The following DLGAP1 variants were observed in gnomAD, a reference collection of about 807,000 sequenced individuals.
DLGAP1 encodes DLG associated protein 1.
DLGAP1 carries 11 observed loss-of-function variants against 90.8 expected under a neutral mutation model. That is an observed-to-expected ratio of 0.12 (90% CI 0.08 to 0.20). DLGAP1 has a LOEUF of 0.20. DLGAP1 is among the 10% of genes least tolerant of loss of function. The probability of loss-of-function intolerance (pLI) is 1.00; values close to 1 mark genes in which losing one functional copy is unlikely to be tolerated. For missense variants in DLGAP1, 1,050 were observed against 1,333.8 expected (o/e 0.79, Z 3.31); for synonymous variants, 558 against 540.7 (o/e 1.03, Z -0.44).
chr18:3,971,096 C>T (rs1371354681), intron 3 of DLGAP1, among the ~76,000 whole-genome samples: 10 of 152,212 alleles, frequency 6.6e-5, no homozygotes, highest in African/African-American at 2.4e-4. Context: ...AGAACAGCTC[C>T]CTCTGCCTGC....
intron 1 of DLGAP1, among the ~76,000 whole-genome samples, chr18:4,154,560 A>T (rs1314523876): frequency 2.0e-5 from 3 of 152,140 alleles, no homozygotes; most frequent in Admixed American, 2.0e-4. Flanking sequence ...GGAAGAATAC[A>T]CACTACAAAG....
intron 1 of DLGAP1, among the ~76,000 whole-genome samples, chr18:4,299,005 C>T (rs533786483): frequency 5.5e-5 from 8 of 144,886 alleles, no homozygotes; most frequent in East Asian, 2.1e-4. Flanking sequence ...GGTGTGAACC[C>T]GGGAGGCACA....
intron 1 of DLGAP1, among the ~76,000 whole-genome samples, chr18:4,190,383 G>C (rs1470384730): frequency 6.6e-6 from 1 of 152,030 alleles, no homozygotes; most frequent in Non-Finnish European, 1.5e-5. Context: ...AGGATAAATG[G>C]TTGAAGTACA....
chr18:4,432,857 C>G (rs3911790), intron 1 of DLGAP1, among the ~76,000 whole-genome samples: 127,228 of 152,078 alleles, frequency 0.84, 53,511 homozygotes, highest in East Asian at 0.97. Flanking sequence ...GTCCAGTCTA[C>G]TTGAATTCAG....
At chr18:3,920,330 A>G (rs1255256519) in intron 3 of DLGAP1, among the ~76,000 whole-genome samples, 5 of 138,138 alleles carry the variant, frequency 3.6e-5, no homozygotes, top group African/African-American at 1.3e-4. Context: ...TTCTGCCTTC[A>G]GCGACTGAGG....
At chr18:3,674,339 C>T (rs2060217667) in intron 7 of DLGAP1, among the ~76,000 whole-genome samples, 1 of 139,792 alleles carries the variant, frequency 7.2e-6, no homozygotes, top group African/African-American at 2.6e-5. Flanking sequence ...GCTGCCATGG[C>T]CAAGTGTGGT....
chr18:3,651,721 C>T (rs2146453986), intron 7 of DLGAP1, among the ~76,000 whole-genome samples: 1 of 152,086 alleles, frequency 6.6e-6, no homozygotes, highest in Admixed American at 6.5e-5. Flanking sequence ...GCCTGTAATC[C>T]CAGCACTTTG....
At chr18:4,243,632 G>C (rs1333601018) in intron 1 of DLGAP1, among the ~76,000 whole-genome samples, 1 of 152,150 alleles carries the variant, frequency 6.6e-6, no homozygotes, top group Non-Finnish European at 1.5e-5. Context: ...ACAGCAACGT[G>C]ATCTTCCGTG....
chr18:4,153,787 T>A (rs1042646509), intron 1 of DLGAP1, among the ~76,000 whole-genome samples: 1 of 152,158 alleles, frequency 6.6e-6, no homozygotes, highest in Non-Finnish European at 1.5e-5. Flanking sequence ...TGAGTCCCTT[T>A]CTTTGGGGTC....
chr18:3,841,830 T>C (rs2068732218), intron 4 of DLGAP1, among the ~76,000 whole-genome samples: 2 of 152,218 alleles, frequency 1.3e-5, no homozygotes, highest in Non-Finnish European at 2.9e-5. Context: ...GAATTCACTC[T>C]GTGCCAGGCA....
chr18:4,137,300 A>G (rs1054833390), intron 2 of DLGAP1, among the ~76,000 whole-genome samples: 2 of 152,076 alleles, frequency 1.3e-5, no homozygotes, highest in African/African-American at 4.8e-5. Flanking sequence ...CAGTCTTTGT[A>G]TATGCCAAGA....
At chr18:3,934,473 G>C (rs559445703) in intron 3 of DLGAP1, among the ~76,000 whole-genome samples, 1 of 152,200 alleles carries the variant, frequency 6.6e-6, no homozygotes, top group Non-Finnish European at 1.5e-5. Context: ...GGGATGTATG[G>C]AGAGAGAGAG....
At chr18:4,364,884 T>G (rs1598290394) in intron 1 of DLGAP1, among the ~76,000 whole-genome samples, 1 of 152,338 alleles carries the variant, frequency 6.6e-6, no homozygotes, top group East Asian at 1.9e-4. Flanking sequence ...TCGAAGAACT[T>G]CTTGATCTCT....
intron 2 of DLGAP1, among the ~76,000 whole-genome samples, chr18:4,144,302 T>C (rs370420420): frequency 5.0e-4 from 76 of 152,224 alleles, no homozygotes; most frequent in African/African-American, 1.6e-3. Context: ...GACAGACAAT[T>C]CCCCTCTGGC....
chr18:4,280,270 T>C (rs747368282), intron 1 of DLGAP1, among the ~76,000 whole-genome samples: 2 of 152,230 alleles, frequency 1.3e-5, no homozygotes. Context: ...ATTATTAATT[T>C]ATTCATATAT....
chr18:3,838,318 T>C (rs2068520599), intron 4 of DLGAP1, among the ~76,000 whole-genome samples: 1 of 152,224 alleles, frequency 6.6e-6, no homozygotes, highest in Admixed American at 6.5e-5. Context: ...TTTCAGTTGT[T>C]AAGAAATATT....
At chr18:4,243,094 A>C (rs1372433452) in intron 1 of DLGAP1, among the ~76,000 whole-genome samples, 1 of 152,154 alleles carries the variant, frequency 6.6e-6, no homozygotes, top group Non-Finnish European at 1.5e-5. Flanking sequence ...GTGTGTTGTG[A>C]GGCTTGTGCC....
chr18:4,104,484 G>T (rs2075828178), intron 2 of DLGAP1, among the ~76,000 whole-genome samples: 1 of 151,698 alleles, frequency 6.6e-6, no homozygotes, highest in African/African-American at 2.4e-5. Flanking sequence ...TTTCCCCTTT[G>T]ATCAACCTTG....
chr18:4,338,820 T>C (rs2081127905), intron 1 of DLGAP1, among the ~76,000 whole-genome samples: 1 of 152,186 alleles, frequency 6.6e-6, no homozygotes, highest in South Asian at 2.1e-4. Context: ...ATTTCATAGG[T>C]CACCAAGGCA....
Sources: gnomAD v4.1 joint callset for allele counts (sites outside exome capture counted in the v4.1 genomes callset) on GRCh38, gnomAD v4.1.1 for gene constraint, MANE v1.5 for transcripts, NCBI Gene and HGNC (gene_info 2026-07-23, HGNC 2026-07-21) for gene names.